IL1RAPL2: variants seen among roughly 807,000 people sequenced by gnomAD.
IL1RAPL2 encodes the protein X-linked interleukin-1 receptor accessory protein-like 2.
In IL1RAPL2, 3 loss-of-function variants were observed where a neutral mutation model predicts 44.1. That is an observed-to-expected ratio of 0.07 (90% confidence interval 0.03 to 0.18). The LOEUF is 0.18. Ranked by LOEUF, IL1RAPL2 falls within the 10% of genes least tolerant of loss-of-function variation. IL1RAPL2 has a pLI of 1.00. For synonymous variants in IL1RAPL2, 181 were observed against 178.8 expected (o/e 1.01, Z -0.10); for missense variants, 391 against 496.4 (o/e 0.79, Z 2.02).
chrX:104,933,277 G>T (rs1352663369), intron 2 of IL1RAPL2, among the ~76,000 whole-genome samples: 1 of 110,594 alleles, frequency 9.0e-6, no homozygotes, highest in Non-Finnish European at 1.9e-5. Context: ...ATAAGAAAAA[G>T]AAGAAAAAAA....
chrX:104,865,493 G>A, intron 2 of IL1RAPL2, among the ~76,000 whole-genome samples: 1 of 111,246 alleles, frequency 9.0e-6, no homozygotes, highest in Non-Finnish European at 1.9e-5. Flanking sequence ...CAACTTAATT[G>A]GACTAAAGGA....
At chrX:104,950,225 A>C (rs773747985) in intron 2 of IL1RAPL2, among the ~76,000 whole-genome samples, 135 of 111,625 alleles carry the variant, frequency 1.2e-3, no homozygotes, top group Middle Eastern at 9.3e-3. Context: ...CTGTTTTATC[A>C]GAGACTAGGA....
At position 105,374,133 on chromosome X, in the gene IL1RAPL2, A is replaced by AAAAG. The variant is rs1159303887; in HGVS notation, c.697+106602_697+106605dup. Among the ~76,000 whole-genome samples, 234 of 98,690 alleles carry AAAAG rather than the reference A, an allele frequency of 2.4e-3. 2 individuals carry two copies. The highest frequency in any genetic ancestry group is 0.01 in the African/African-American group (216 of 21,141). The allele number at this position is 98,690 out of a possible 115,157, so 85.7% of individuals were successfully genotyped here. A position where few individuals can be genotyped will look rare whatever the true frequency, so the allele number is the denominator to read the frequency against. ...AGACTGTCAAAAAAAAAAAAAAAAA[A>AAAAG]AAAGAAAGAAAGAGCAGATGGCTGT... is the stretch of plus-strand genomic sequence containing the variant. On this transcript the variant is annotated intron_variant, in intron 5 of 10. Transcript: ENST00000372582.
intron 3 of IL1RAPL2, among the ~76,000 whole-genome samples, chrX:105,202,407 C>A: frequency 8.9e-6 from 1 of 112,205 alleles, no homozygotes; most frequent in East Asian, 2.8e-4. Flanking sequence ...AAGGTTTTAA[C>A]CTAATGCAGG....
Position 105,319,899 on chromosome X carries a change from A to AC in IL1RAPL2, c.697+52359dup, listed in dbSNP as rs201495684. Among the ~76,000 whole-genome samples, 959 of 111,550 alleles carry AC rather than the reference A, an allele frequency of 8.6e-3. 13 individuals are homozygous for AC. The highest frequency in any genetic ancestry group is 0.029 in the African/African-American group (882 of 30,688). On this transcript the variant is annotated intron_variant, in intron 5 of 10. Transcript: ENST00000372582. ...ATAGAAAAGAATGCCAGCAAAAATG[A>AC]CAGAGCTCATATTTCTACTGACAAA... is the stretch of plus-strand genomic sequence containing the variant.
chrX:105,598,832 A>T (rs1191316226), intron 6 of IL1RAPL2, among the ~76,000 whole-genome samples: 1 of 112,261 alleles, frequency 8.9e-6, no homozygotes, highest in Non-Finnish European at 1.9e-5. Context: ...TATGTCAAAT[A>T]ATCCCTTTGA....
chrX:105,490,466 T>C (rs1926763416), intron 6 of IL1RAPL2, among the ~76,000 whole-genome samples: 1 of 112,139 alleles, frequency 8.9e-6, no homozygotes, highest in Non-Finnish European at 1.9e-5. Flanking sequence ...AAACTGTCTC[T>C]ATATATGTAA....
At chrX:105,408,981 A>G (rs1336013587) in intron 5 of IL1RAPL2, among the ~76,000 whole-genome samples, 2 of 111,309 alleles carry the variant, frequency 1.8e-5, no homozygotes, top group Non-Finnish European at 3.8e-5. Context: ...CTTTAATGCC[A>G]TTATCTGTAA....
intron 2 of IL1RAPL2, among the ~76,000 whole-genome samples, chrX:104,677,615 T>G (rs770074967): frequency 8.9e-6 from 1 of 112,830 alleles, no homozygotes; most frequent in East Asian, 2.8e-4. Context: ...TGTGCTGTGG[T>G]GGGCTCTGCC....
chrX:104,904,251 A>C (rs1923907685), intron 2 of IL1RAPL2, among the ~76,000 whole-genome samples: 1 of 109,730 alleles, frequency 9.1e-6, no homozygotes, highest in African/African-American at 3.3e-5. Context: ...ATATGCATAC[A>C]CACACACACA....
intron 2 of IL1RAPL2, among the ~76,000 whole-genome samples, chrX:104,848,409 G>GTATATATATA (rs35503754): frequency 2.3e-4 from 15 of 64,900 alleles, no homozygotes; most frequent in African/African-American, 3.2e-4. Flanking sequence ...ATTTTTATCT[G>GTATATATATA]TATATATATA....
chrX:105,100,863 T>C lies in IL1RAPL2; in HGVS notation c.83-94612T>C, dbSNP rs774935617. 7.1e-5 allele frequency among the ~76,000 whole-genome samples: 8 copies of C among 112,413 alleles called. No individual in the cohort carries two copies. In the South Asian group the frequency reaches 2.6e-3, roughly 36 times the overall value. On this transcript the variant is annotated intron_variant, in intron 2 of 10. Transcript: ENST00000372582. Reference sequence around the variant, plus strand: ...GACCTGGAACAGATCTCTTCAGGTATAAGATTCTGTGAAGTTTAACTTGCT... The same window carrying C: ...GACCTGGAACAGATCTCTTCAGGTACAAGATTCTGTGAAGTTTAACTTGCT...
At chrX:105,596,047 T>C (rs1282224893) in intron 6 of IL1RAPL2, among the ~76,000 whole-genome samples, 1 of 111,149 alleles carries the variant, frequency 9.0e-6, no homozygotes, top group Admixed American at 9.6e-5. Flanking sequence ...TTAGTTAGTC[T>C]AGCTAAGGGC....
At chrX:105,045,369 T>G (rs186053307) in intron 2 of IL1RAPL2, among the ~76,000 whole-genome samples, 2 of 111,839 alleles carry the variant, frequency 1.8e-5, no homozygotes, top group African/African-American at 6.5e-5. Context: ...ATATTGAATT[T>G]TAAAAAATAA....
chrX:104,931,996 A>ATAT (rs1455144657), intron 2 of IL1RAPL2, among the ~76,000 whole-genome samples: 23 of 84,789 alleles, frequency 2.7e-4, no homozygotes, highest in Non-Finnish European at 4.4e-4. Flanking sequence ...ATATATATAT[A>ATAT]TTTTTTTTTT....
intron 2 of IL1RAPL2, among the ~76,000 whole-genome samples, chrX:104,956,974 T>C (rs1219095163): frequency 8.9e-6 from 1 of 112,122 alleles, no homozygotes; most frequent in African/African-American, 3.2e-5. Flanking sequence ...TGCTGCTGGA[T>C]AGTTGAGAAT....
intron 5 of IL1RAPL2, among the ~76,000 whole-genome samples, chrX:105,276,464 G>A (rs1353704552): frequency 1.8e-5 from 2 of 112,273 alleles, no homozygotes; most frequent in African/African-American, 6.5e-5. Context: ...GGCAGGTCAT[G>A]TCCACAGTGT....
At chrX:104,976,969 T>C (rs1208429764) in intron 2 of IL1RAPL2, among the ~76,000 whole-genome samples, 1 of 107,662 alleles carries the variant, frequency 9.3e-6, no homozygotes, top group Non-Finnish European at 1.9e-5. Flanking sequence ...AGTGGAGCAA[T>C]AAAATAGAGT....
intron 6 of IL1RAPL2, among the ~76,000 whole-genome samples, chrX:105,660,972 C>A (rs759688443): frequency 2.7e-5 from 3 of 110,136 alleles, no homozygotes; most frequent in Non-Finnish European, 5.7e-5. Context: ...ACTCTCCAAT[C>A]AAAAGATGTT....
Sources: gnomAD v4.1 joint callset for allele counts (sites outside exome capture counted in the v4.1 genomes callset) on GRCh38, gnomAD v4.1.1 for gene constraint, MANE v1.5 for transcripts, NCBI Gene and HGNC (gene_info 2026-07-23, HGNC 2026-07-21) for gene names.